The following PKIB variants were observed in gnomAD, a reference collection of about 807,000 sequenced individuals.
PKIB encodes PKI-beta.
A neutral mutation model predicts 4.5 loss-of-function variants in PKIB; 2 were observed. The ratio of observed to expected loss-of-function variants is 0.44; its 90% CI spans 0.18 to 1.39. The LOEUF (loss-of-function observed/expected upper bound fraction) is 1.39. PKIB is among the 40% of genes most tolerant of loss of function. PKIB has a pLI of 0.27. For synonymous variants in PKIB, 38 were observed against 36.0 expected (o/e 1.06, Z -0.20); for missense variants, 94 against 92.6 (o/e 1.02, Z -0.06).
In PKIB at chr6:122,493,105, C is replaced by T. The variant is rs539953995; in HGVS notation, c.-248+15166C>T. 8 of 152,136 alleles carry T rather than the reference C, an allele frequency of 5.3e-5. No homozygotes were observed. In the South Asian group the frequency reaches 1.0e-3, roughly 20 times the overall value. 9.4% of individuals were successfully genotyped at this position (152,136 alleles called of 1,614,324 possible). Reference sequence around the variant, plus strand: ...TAATTTTAGACTTTCCAATATTTTCCGAATTTTTAAAAAGAAATCCCTTTG... The same window carrying T: ...TAATTTTAGACTTTCCAATATTTTCTGAATTTTTAAAAAGAAATCCCTTTG... On this transcript the variant is annotated intron_variant, in intron 2 of 6. Coordinates refer to the PKIB transcript ENST00000392491.
intron 4 of PKIB, among the ~76,000 whole-genome samples, chr6:122,720,567 T>C (rs1285063355): frequency 2.0e-5 from 3 of 149,678 alleles, no homozygotes; most frequent in East Asian, 2.0e-4. Context: ...ATTTTAAGAG[T>C]TGGAGGAGTG....
intron 2 of PKIB, among the ~76,000 whole-genome samples, chr6:122,560,458 T>G (rs1772981224): frequency 6.6e-6 from 1 of 152,180 alleles, no homozygotes; most frequent in African/African-American, 2.4e-5. Flanking sequence ...TGTTAAGGAT[T>G]TTAGCATCAG....
intron 1 of PKIB, among the ~76,000 whole-genome samples, chr6:122,631,399 C>CT (rs1015051437): frequency 6.6e-5 from 10 of 151,940 alleles, no homozygotes; most frequent in African/African-American, 2.2e-4. Flanking sequence ...CTTTGGTGCT[C>CT]TTTTTTTTGG....
At chr6:122,499,963 A>T (rs1369121466) in intron 2 of PKIB, among the ~76,000 whole-genome samples, 4 of 152,346 alleles carry the variant, frequency 2.6e-5, no homozygotes, top group South Asian at 4.1e-4. Context: ...CCACATAAAA[A>T]TAAAATACCT....
chr6:122,513,595 C>A lies in PKIB; in HGVS notation c.-248+35656C>A, dbSNP rs369016121. 2.0e-5 allele frequency among the ~76,000 whole-genome samples: 3 copies of A among 151,942 alleles called. No homozygotes were observed. In the East Asian group the frequency reaches 5.8e-4, roughly 29 times the overall value. On this transcript the variant is annotated intron_variant, in intron 2 of 6. Coordinates refer to the PKIB transcript ENST00000392491. ...ACCCAGGTTGTAGTAAACATAGTACCCAAAGGGTTGTTTTTCACCCCGTGG... is the reference window on the plus strand; with the variant it reads ...ACCCAGGTTGTAGTAAACATAGTACACAAAGGGTTGTTTTTCACCCCGTGG...
chr6:122,652,062 C>T (rs571005905), intron 2 of PKIB, among the ~76,000 whole-genome samples: 1 of 152,160 alleles, frequency 6.6e-6, no homozygotes, highest in East Asian at 1.9e-4. Flanking sequence ...AATTTAATCA[C>T]ATTAGAGAAC....
intron 2 of PKIB, among the ~76,000 whole-genome samples, chr6:122,505,599 A>G (rs1163763814): frequency 6.6e-6 from 1 of 152,190 alleles, no homozygotes; most frequent in Non-Finnish European, 1.5e-5. Flanking sequence ...GTCCATTAGT[A>G]GTTTTGGTGA....
At chr6:122,602,279 A>T (rs1774393787) in intron 3 of PKIB, among the ~76,000 whole-genome samples, 1 of 152,208 alleles carries the variant, frequency 6.6e-6, no homozygotes, top group South Asian at 2.1e-4. Context: ...GTGTGGACTT[A>T]AAACCACTTA....
At chr6:122,578,406 GT>G (rs1380720764) in intron 2 of PKIB, among the ~76,000 whole-genome samples, 2 of 151,912 alleles carry the variant, frequency 1.3e-5, no homozygotes, top group Admixed American at 1.3e-4. Flanking sequence ...AATTCTACGT[GT>G]TCAAAATGGA....
At chr6:122,523,678 G>T (rs1424532369) in intron 2 of PKIB, among the ~76,000 whole-genome samples, 2 of 152,040 alleles carry the variant, frequency 1.3e-5, no homozygotes, top group Non-Finnish European at 2.9e-5. Context: ...AGCTACTTGG[G>T]AGGCTGAGGT....
chr6:122,658,576 G>A (rs1029210578), intron 2 of PKIB, among the ~76,000 whole-genome samples: 5 of 151,852 alleles, frequency 3.3e-5, no homozygotes, highest in Non-Finnish European at 7.4e-5. Flanking sequence ...TCATAATGAT[G>A]TGATGCACAG....
chr6:122,517,842 C>A (rs1337352908), intron 2 of PKIB, among the ~76,000 whole-genome samples: 1 of 152,176 alleles, frequency 6.6e-6, no homozygotes, highest in East Asian at 1.9e-4. Context: ...ATATTAACAT[C>A]ATTCTCAAAC....
chr6:122,486,813 G>A, intron 2 of PKIB, among the ~76,000 whole-genome samples: 1 of 152,182 alleles, frequency 6.6e-6, no homozygotes, highest in Non-Finnish European at 1.5e-5. Flanking sequence ...AAAGTACTGT[G>A]TTTTAAAACA....
intron 3 of PKIB, among the ~76,000 whole-genome samples, chr6:122,717,223 T>C (rs1176946657): frequency 2.0e-5 from 3 of 152,128 alleles, no homozygotes; most frequent in Admixed American, 2.0e-4. Context: ...CTTCAACCAT[T>C]ACCATGAGTC....
chr6:122,497,494 C>T lies in PKIB; in HGVS notation c.-248+19555C>T, dbSNP rs193228712. On this transcript the variant is annotated intron_variant, in intron 2 of 6. Transcript: ENST00000392491. ...TTCAAGAGACTCAGCCCACATGTAA[C>T]GACACCCATAGTCTCAAAGGGTTGA... is the stretch of plus-strand genomic sequence containing the variant. Among the ~76,000 whole-genome samples, 49 of 152,226 alleles carry T rather than the reference C, an allele frequency of 3.2e-4. No homozygotes were observed. The South Asian group carries it at 7.1e-3, about 22-fold the overall frequency.
At chr6:122,564,641 T>C (rs1773129232) in intron 2 of PKIB, among the ~76,000 whole-genome samples, 2 of 152,182 alleles carry the variant, frequency 1.3e-5, no homozygotes, top group South Asian at 4.1e-4. Context: ...AGTTTGCAAA[T>C]TCTTTCTGCA....
intron 2 of PKIB, among the ~76,000 whole-genome samples, chr6:122,510,141 C>T (rs954149753): frequency 6.6e-6 from 1 of 151,940 alleles, no homozygotes; most frequent in Non-Finnish European, 1.5e-5. Flanking sequence ...TGGCTCTATT[C>T]CGCACTTGTA....
At chr6:122,707,365 C>A (rs1779104836) in intron 3 of PKIB, among the ~76,000 whole-genome samples, 1 of 151,974 alleles carries the variant, frequency 6.6e-6, no homozygotes, top group South Asian at 2.1e-4. Flanking sequence ...TTAATCATTT[C>A]TCTCCTTTTC....
chr6:122,538,532 A>G (rs1203844702), intron 2 of PKIB, among the ~76,000 whole-genome samples: 2 of 151,664 alleles, frequency 1.3e-5, no homozygotes, highest in South Asian at 2.1e-4. Flanking sequence ...TGTTCCATTG[A>G]TCTATATCTC....
Sources: allele counts gnomAD v4.1 joint callset (sites outside exome capture counted in the v4.1 genomes callset), GRCh38; gene constraint gnomAD v4.1.1; transcripts MANE v1.5; gene names NCBI Gene and HGNC (gene_info 2026-07-23, HGNC 2026-07-21).